Variants in C4orf50 observed in about 807,000 individuals in gnomAD.
C4orf50 encodes the protein chromosome 4 open reading frame 50, also known as uncharacterized protein C4orf50.
Under a neutral mutation model 77.2 loss-of-function variants are expected in C4orf50, and 80 were observed. The observed-to-expected ratio is 1.04, with a 90% CI of 0.87 to 1.25. The LOEUF is 1.25. C4orf50 is among the 50% of genes most tolerant of loss of function. C4orf50 has a pLI of 0.00. For missense variants in C4orf50, 1,257 were observed against 1,152.9 expected (o/e 1.09, Z -1.31); for synonymous variants, 532 against 465.3 (o/e 1.14, Z -1.84).
rs1216436988 is a variant in C4orf50 at position 5,970,959 on chromosome 4, C to G, written c.4104+2700G>C. 6.6e-6 allele frequency among the ~76,000 whole-genome samples: 1 copy of G among 152,178 alleles called. No homozygotes were observed. Among genetic ancestry groups the G allele is most frequent in the African/African-American group, 2.4e-5 (1 of 41,454 alleles). ...GACTTGGCTGGATAAATGAAGGCAG[C>G]CTGTCCAGTTGGGACCCTAGCCAGC... On this transcript the variant is annotated intron_variant, in intron 31 of 33. Coordinates refer to ENST00000531445, the Ensembl canonical transcript of C4orf50. The surrounding 1 kb of genome is among the most constrained non-coding windows in gnomAD (Gnocchi z 4.3).
chr4:5,959,305 C>A, exon 34 of C4orf50: 1 of 1,513,304 alleles, frequency 6.6e-7, no homozygotes, highest in South Asian at 1.3e-5. Context: ...TTTCTTAAAG[C>A]ACTCTCTGAA....
Position 5,979,151 on chromosome 4 carries a change from T to C in C4orf50, c.3864+1023A>G, listed in dbSNP as rs1013300535. On this transcript the variant is annotated intron_variant, in intron 29 of 33. Coordinates refer to ENST00000531445, the Ensembl canonical transcript of C4orf50. ...TTGGAGGGTTACTTGCCATTACCTATCACAGTTAATGATTTATATATCCTT... is the reference window on the plus strand; with the variant it reads ...TTGGAGGGTTACTTGCCATTACCTACCACAGTTAATGATTTATATATCCTT... Among the ~76,000 whole-genome samples the C allele has an allele frequency of 2.6e-5, 4 of 152,248 alleles. 1 individual carries two copies. Among genetic ancestry groups the C allele is most frequent in the Admixed American group, 6.5e-5 (1 of 15,284 alleles).
intron 7 of C4orf50, among the ~76,000 whole-genome samples, chr4:5,914,086 A>G (rs1339783203): frequency 6.6e-6 from 1 of 152,240 alleles, no homozygotes; most frequent in African/African-American, 2.4e-5. Flanking sequence ...GACTAGATGA[A>G]AAAGTAGATA....
chr4:5,921,569 G>A (rs1012575498), intron 7 of C4orf50, among the ~76,000 whole-genome samples: 1 of 152,128 alleles, frequency 6.6e-6, no homozygotes, highest in Non-Finnish European at 1.5e-5. Flanking sequence ...GGGCTTCGAT[G>A]TGGGGAAAGC....
At chr4:5,960,581 C>G (rs1473104974) in intron 33 of C4orf50, among the ~76,000 whole-genome samples, 1 of 152,206 alleles carries the variant, frequency 6.6e-6, no homozygotes, top group African/African-American at 2.4e-5. Context: ...TGACCTTGTC[C>G]CTGCCCTCAG....
intron 7 of C4orf50, among the ~76,000 whole-genome samples, chr4:5,930,145 G>T (rs115066058): frequency 6.6e-6 from 1 of 152,084 alleles, no homozygotes; most frequent in Admixed American, 6.5e-5. Context: ...ACTGAGAATC[G>T]GGGAGCCTGG....
exon 8 of C4orf50, chr4:5,897,898 T>G (rs1716190799): frequency 6.6e-6 from 1 of 151,874 alleles, no homozygotes; most frequent in South Asian, 2.1e-4. Context: ...GGAGGGGAGG[T>G]GTCGGGTCCT....
chr4:5,950,005 A>G (rs959402553), intron 7 of C4orf50, among the ~76,000 whole-genome samples: 8 of 151,966 alleles, frequency 5.3e-5, no homozygotes, highest in Non-Finnish European at 1.0e-4. Flanking sequence ...AAAAAAAAAA[A>G]AGGTTAAAAT....
At chr4:5,949,743 G>A (rs1718639137) in intron 7 of C4orf50, among the ~76,000 whole-genome samples, 1 of 152,166 alleles carries the variant, frequency 6.6e-6, no homozygotes, top group Non-Finnish European at 1.5e-5. Context: ...TCCCAGCACT[G>A]TGGGAAGCCA....
At chr4:5,964,153 T>A (rs1402488164) in intron 33 of C4orf50, among the ~76,000 whole-genome samples, 4 of 152,166 alleles carry the variant, frequency 2.6e-5, no homozygotes, top group Admixed American at 6.5e-5. Context: ...AGGACCTATT[T>A]TCCCTCGAGG....
chr4:5,918,277 G>A (rs1474728741), intron 7 of C4orf50, among the ~76,000 whole-genome samples: 1 of 152,194 alleles, frequency 6.6e-6, no homozygotes, highest in Non-Finnish European at 1.5e-5. Context: ...CACACCTCAC[G>A]TCCCATTTCA....
rs759127261 is a variant in C4orf50 at position 6,017,745 on chromosome 4, G to A, written c.287+400C>T. Among the ~76,000 whole-genome samples, 14 of 152,164 alleles carry A rather than the reference G, an allele frequency of 9.2e-5. No homozygotes were observed. The highest frequency in any genetic ancestry group is 2.1e-4 in the Non-Finnish European group (14 of 67,986). Reference sequence around the variant, plus strand: ...TCCCCTAAAAAAATCACCCCAAACCGACCAACTGGATTTGTCTGCCTCTGT... The same window carrying A: ...TCCCCTAAAAAAATCACCCCAAACCAACCAACTGGATTTGTCTGCCTCTGT... On this transcript the variant is annotated intron_variant, in intron 23 of 33. Transcript: ENST00000531445. The surrounding 1 kb of genome is among the most constrained non-coding windows in gnomAD (Gnocchi z 4.7).
chr4:5,922,562 C>A (rs4425309), intron 7 of C4orf50, among the ~76,000 whole-genome samples: 119,982 of 151,556 alleles, frequency 0.79, 47,567 homozygotes, highest in East Asian at 0.84. Context: ...CGTGGCATGC[C>A]ATGGGTAACT....
rs987532507 is a variant in C4orf50 at position 6,011,254 on chromosome 4, C to A, written c.426+576G>T. ...TGGGCCATGCAGCGGAGTTGGCCACCTGGCCCCTCTGGAACTTTCCGACTC... is the reference window on the plus strand; with the variant it reads ...TGGGCCATGCAGCGGAGTTGGCCACATGGCCCCTCTGGAACTTTCCGACTC... On this transcript the variant is annotated intron_variant, in intron 24 of 33. Transcript: ENST00000531445. The surrounding 1 kb of genome is among the most constrained non-coding windows in gnomAD (Gnocchi z 4.2). Among the ~76,000 whole-genome samples the A allele has an allele frequency of 6.6e-6, 1 of 152,188 alleles. No individual in the cohort carries two copies. Among genetic ancestry groups the A allele is most frequent in the Non-Finnish European group, 1.5e-5 (1 of 68,026 alleles).
In C4orf50 at chr4:6,017,547, C is replaced by A. The variant is rs1722726046; in HGVS notation, c.287+598G>T. On this transcript the variant is annotated intron_variant, in intron 23 of 33. Transcript: ENST00000531445. This position sits in a 1 kb window ranked among gnomAD's most constrained non-coding sequence, Gnocchi z 4.7. ...TCATTGTGAGTTTCCTCCAAAACAA[C>A]CCTTGTCATTGCAGAAACCATAGGC... Among the ~76,000 whole-genome samples, 1 of 152,178 alleles carries A rather than the reference C, an allele frequency of 6.6e-6. No homozygotes were observed. The highest frequency in any genetic ancestry group is 2.4e-5 in the African/African-American group (1 of 41,438).
At chr4:5,983,383 T>A (rs994093444) in intron 28 of C4orf50, among the ~76,000 whole-genome samples, 1 of 152,204 alleles carries the variant, frequency 6.6e-6, no homozygotes, top group African/African-American at 2.4e-5. Flanking sequence ...CCCATTGGAA[T>A]CCAGCCACGC....
intron 31 of C4orf50, among the ~76,000 whole-genome samples, chr4:5,971,522 C>T (rs1719912612): frequency 6.6e-6 from 1 of 152,180 alleles, no homozygotes; most frequent in South Asian, 2.1e-4. Flanking sequence ...CAGGGACATC[C>T]TGGTCCACGG....
chr4:5,991,176 A>G (rs1445564325), intron 27 of C4orf50, among the ~76,000 whole-genome samples: 2 of 152,118 alleles, frequency 1.3e-5, no homozygotes, highest in Non-Finnish European at 2.9e-5. Flanking sequence ...CTCACACCAT[A>G]TTATATATTT....
chr4:5,975,735 C>T (rs4689291), intron 30 of C4orf50, among the ~76,000 whole-genome samples, 164 bp downstream of exon 8: 34,698 of 151,988 alleles, frequency 0.23, 4,768 homozygotes, highest in East Asian at 0.67. Flanking sequence ...GCAATCCACC[C>T]GCCTCAGCCT....
Sources: allele counts gnomAD v4.1 joint callset (sites outside exome capture counted in the v4.1 genomes callset), GRCh38; gene constraint gnomAD v4.1.1; non-coding constraint Gnocchi (gnomAD v3.1); transcripts MANE v1.5; gene names NCBI Gene and HGNC (gene_info 2026-07-23, HGNC 2026-07-21).